FNTA: variants seen among roughly 807,000 people sequenced by gnomAD.
FNTA encodes farnesyltransferase, CAAX box, subunit alpha, also known as protein farnesyltransferase/geranylgeranyltransferase type-1 subunit alpha.
Under a neutral mutation model 55.2 loss-of-function variants are expected in FNTA, and 27 were observed. That is an observed-to-expected ratio of 0.49 (90% confidence interval 0.36 to 0.67). The LOEUF (loss-of-function observed/expected upper bound fraction) is 0.67, where lower values mean the gene tolerates loss of function less well. FNTA is among the 30% of genes least tolerant of loss of function. The pLI is 0.00. For synonymous variants in FNTA, 176 were observed against 170.7 expected (o/e 1.03, Z -0.24); for missense variants, 422 against 464.7 (o/e 0.91, Z 0.85).
intron 6 of FNTA, chr8:43,082,426 T>C (rs138014227): frequency 8.7e-4 from 132 of 152,352 alleles, no homozygotes; most frequent in African/African-American, 3.1e-3. Context: ...TTTCAGTGAC[T>C]AGGGATTTGT....
intron 2 of FNTA, among the ~76,000 whole-genome samples, chr8:43,060,321 G>T (rs1810501040): frequency 6.6e-6 from 1 of 152,246 alleles, no homozygotes; most frequent in East Asian, 1.9e-4. Flanking sequence ...GATGTTGGGG[G>T]AAACTAATAT....
At chr8:43,062,822 G>A (rs570686504) in intron 2 of FNTA, among the ~76,000 whole-genome samples, 1 of 152,296 alleles carries the variant, frequency 6.6e-6, no homozygotes, top group South Asian at 2.1e-4. Context: ...ATTACCCAGA[G>A]TTAGCACAGA....
chr8:43,082,248 A>C (rs1811040051), intron 6 of FNTA: 1 of 152,228 alleles, frequency 6.6e-6, no homozygotes, highest in Non-Finnish European at 1.5e-5. Flanking sequence ...GGGGAAGATA[A>C]AGGTATGGAG....
At chr8:43,075,721 C>G (rs971272943) in intron 5 of FNTA, among the ~76,000 whole-genome samples, 2 of 152,136 alleles carry the variant, frequency 1.3e-5, no homozygotes, top group African/African-American at 4.8e-5. Flanking sequence ...GGAGCTGAGG[C>G]AAGAATATCG....
chr8:43,072,941 T>C (rs1810826689), intron 5 of FNTA, among the ~76,000 whole-genome samples: 1 of 152,202 alleles, frequency 6.6e-6, no homozygotes, highest in Non-Finnish European at 1.5e-5. Context: ...TTTTTTCATA[T>C]ATAAACTTTG....
chr8:43,075,436 G>T (rs1054318940), intron 5 of FNTA, among the ~76,000 whole-genome samples: 11 of 151,216 alleles, frequency 7.3e-5, no homozygotes, highest in Admixed American at 2.0e-4. Context: ...TTATTTATAA[G>T]TTTTTTTTAT....
chr8:43,060,832 A>AAGC (rs1810514540), intron 2 of FNTA, among the ~76,000 whole-genome samples: 2 of 152,180 alleles, frequency 1.3e-5, no homozygotes, highest in African/African-American at 2.4e-5. Context: ...GTTAAAAAGC[A>AAGC]AGCAGCAGTG....
intron 2 of FNTA, among the ~76,000 whole-genome samples, chr8:43,061,354 A>G (rs1810525057): frequency 6.6e-6 from 1 of 152,216 alleles, no homozygotes; most frequent in South Asian, 2.1e-4. Flanking sequence ...CTGACTGTGT[A>G]ATCTTGGACA....
intron 5 of FNTA, among the ~76,000 whole-genome samples, chr8:43,072,698 C>A (rs1195966243): frequency 6.6e-6 from 1 of 152,040 alleles, no homozygotes; most frequent in African/African-American, 2.4e-5. Flanking sequence ...CTGCAGTCTA[C>A]CCTGGGCAGC....
At chr8:43,067,844 C>T (rs188695607) in intron 3 of FNTA, among the ~76,000 whole-genome samples, 20 of 152,126 alleles carry the variant, frequency 1.3e-4, no homozygotes, top group African/African-American at 3.6e-4. Flanking sequence ...TGCAGTGTCG[C>T]GAATAGCTGG....
rs542583466 is a variant in FNTA at position 43,058,876 on chromosome 8, C to A, written c.201-216C>A. On this transcript the variant is annotated intron_variant, in intron 1 of 8. Coordinates refer to ENST00000302279, the MANE Select transcript of FNTA (RefSeq NM_002027.3). ...TGAAAACTGTTGATTAGCTTTTCAG[C>A]ATCTGAGGGTTATTTGTTTTAATTT... is the stretch of plus-strand genomic sequence containing the variant. 9 of 397,146 alleles carry A rather than the reference C, an allele frequency of 2.3e-5. No homozygotes were observed. In the South Asian group the frequency reaches 7.9e-4, roughly 35 times the overall value. 24.6% of individuals were successfully genotyped at this position (397,146 alleles called of 1,614,324 possible).
At chr8:43,073,837 A>C (rs2130561820) in intron 5 of FNTA, among the ~76,000 whole-genome samples, 1 of 152,278 alleles carries the variant, frequency 6.6e-6, no homozygotes, top group East Asian at 1.9e-4. Flanking sequence ...ACAACAAAGA[A>C]TTATCCAGCC....
chr8:43,074,281 T>C (rs942688593), intron 5 of FNTA, among the ~76,000 whole-genome samples: 4 of 152,198 alleles, frequency 2.6e-5, no homozygotes, highest in African/African-American at 4.8e-5. Context: ...CCCAACACTT[T>C]GGGAGGCCCA....
At chr8:43,066,315 G>A (rs1424253963) in intron 3 of FNTA, among the ~76,000 whole-genome samples, 1 of 149,564 alleles carries the variant, frequency 6.7e-6, no homozygotes, top group Non-Finnish European at 1.5e-5. Flanking sequence ...GGAGTGCAGT[G>A]GCTCGATCTC....
chr8:43,066,733 C>T (rs1311666349), intron 3 of FNTA, among the ~76,000 whole-genome samples: 1 of 152,000 alleles, frequency 6.6e-6, no homozygotes, highest in East Asian at 1.9e-4. Context: ...CAGGAAAAAT[C>T]CTGATTGGAA....
chr8:43,084,273 G>A (rs1052458312), intron 7 of FNTA, among the ~76,000 whole-genome samples: 14 of 149,220 alleles, frequency 9.4e-5, no homozygotes, highest in African/African-American at 3.5e-4. Context: ...AGGCTGGAGG[G>A]CAGTGGCATG....
chr8:43,070,100 AG>A, intron 4 of FNTA: 1 of 151,374 alleles, frequency 6.6e-6, no homozygotes, highest in Non-Finnish European at 1.5e-5. Context: ...CTAAAAATAC[AG>A]AAATTAGCCG....
intron 6 of FNTA, chr8:43,079,704 G>C (rs1346205484): frequency 6.6e-6 from 1 of 152,212 alleles, no homozygotes; most frequent in African/African-American, 2.4e-5. Flanking sequence ...AATAAATTTT[G>C]TAAGGCTATG....
At chr8:43,072,068 AT>A (rs1810805335) in intron 4 of FNTA, 112 bp from the exon 5 acceptor site, 1 of 719,544 alleles carries the variant, frequency 1.4e-6, no homozygotes, top group Non-Finnish European at 2.1e-6. Flanking sequence ...AGAATTAGAG[AT>A]GAATTTTTGT....
Sources: gnomAD v4.1 joint callset for allele counts (sites outside exome capture counted in the v4.1 genomes callset) on GRCh38, gnomAD v4.1.1 for gene constraint, MANE v1.5 for transcripts, NCBI Gene and HGNC (gene_info 2026-07-23, HGNC 2026-07-21) for gene names.